The following CSMD1 variants were observed in gnomAD, a reference collection of about 807,000 sequenced individuals.
The protein encoded by CSMD1 is CUB and sushi domain-containing protein 1.
Under a neutral mutation model 417.5 loss-of-function variants are expected in CSMD1, and 213 were observed. The ratio of observed to expected loss-of-function variants is 0.51; its 90% confidence interval spans 0.46 to 0.57. CSMD1 has a LOEUF of 0.57. CSMD1 is among the 20% of genes least tolerant of loss of function. The pLI is 0.00. For missense variants in CSMD1, 6,923 were observed against 4,529.7 expected, an observed-to-expected ratio of 1.53 and a Z score of -15.17; for synonymous variants, 2,862 against 1,736.8, an observed-to-expected ratio of 1.65 and a Z score of -16.11.
chr8:4,961,129 T>C (rs913252730), intron 1 of CSMD1, among the ~76,000 whole-genome samples: 3 of 152,222 alleles, frequency 2.0e-5, no homozygotes, highest in African/African-American at 7.2e-5. Flanking sequence ...TCATTTACTA[T>C]GATTAACTTC....
chr8:4,385,446 T>C (rs1055499830), intron 3 of CSMD1, among the ~76,000 whole-genome samples: 1 of 152,338 alleles, frequency 6.6e-6, no homozygotes, highest in Admixed American at 6.5e-5. Context: ...ACATGTTTCT[T>C]TTCTTAGTTT....
intron 1 of CSMD1, among the ~76,000 whole-genome samples, chr8:4,847,191 A>G (rs1287599258): frequency 6.6e-6 from 1 of 152,216 alleles, no homozygotes; most frequent in East Asian, 1.9e-4. Flanking sequence ...ATGCAAATCT[A>G]AGGTCTCTCA....
At chr8:4,199,856 A>T (rs1352160150) in intron 3 of CSMD1, among the ~76,000 whole-genome samples, 1 of 152,200 alleles carries the variant, frequency 6.6e-6, no homozygotes, top group African/African-American at 2.4e-5. Flanking sequence ...CTTCCTTTAC[A>T]AGGGCTTACC....
intron 67 of CSMD1, 23 bp downstream of exon 67, chr8:2,950,208 A>G (rs1373233835): frequency 1.4e-6 from 2 of 1,431,418 alleles, no homozygotes; most frequent in Non-Finnish European, 2.0e-6. Context: ...GTGCTTTGTC[A>G]CAGACCTTAC....
intron 27 of CSMD1, among the ~76,000 whole-genome samples, chr8:3,227,559 T>C (rs567479621): frequency 3.5e-4 from 54 of 152,234 alleles, no homozygotes; most frequent in African/African-American, 1.3e-3. Flanking sequence ...TATACAATAA[T>C]AAGGGACTAG....
At chr8:4,089,700 C>A (rs767965179) in intron 3 of CSMD1, among the ~76,000 whole-genome samples, 2 of 152,150 alleles carry the variant, frequency 1.3e-5, no homozygotes, top group Non-Finnish European at 2.9e-5. Context: ...GTGCCCAACA[C>A]AGAAAGCTAG....
chr8:4,911,174 A>G (rs1805646016), intron 1 of CSMD1, among the ~76,000 whole-genome samples: 1 of 152,186 alleles, frequency 6.6e-6, no homozygotes, highest in South Asian at 2.1e-4. Context: ...CAGTGTGAAA[A>G]TGGACTAATA....
At chr8:3,502,297 G>A (rs971818450) in intron 10 of CSMD1, among the ~76,000 whole-genome samples, 1 of 150,648 alleles carries the variant, frequency 6.6e-6, no homozygotes, top group Non-Finnish European at 1.5e-5. Context: ...CCCAGGAGGA[G>A]GAGCTTGCAG....
Position 3,307,742 on chromosome 8 carries a change from G to T in CSMD1, c.3903C>A (p.Asn1301Lys). 1.2e-6 allele frequency: 2 copies of T among 1,613,720 alleles called. No individual in the cohort carries two copies. Among genetic ancestry groups the T allele is most frequent in the Admixed American group, 1.7e-5 (1 of 60,008 alleles). The change falls in exon 25 of 70, where the codon AAC (asparagine) becomes AAA (lysine). Residue 1301 changes from asparagine (N) to lysine (K), a missense_variant. By Grantham distance (94) the Asn-to-Lys change is moderately conservative. Coordinates refer to ENST00000635120, the MANE Select transcript of CSMD1 (RefSeq NM_033225.6). ...CCTCTATAATCCAGGTGCAGTGGAG[G>T]TTGTTGTCATACGGAGCTGGATAGC... Reference protein sequence around the residue: ...SPGYPAPYDNNLHCTWIIEAD... With the variant: ...SPGYPAPYDNKLHCTWIIEAD...
chr8:4,103,813 A>T (rs1333116921), intron 3 of CSMD1, among the ~76,000 whole-genome samples: 1 of 152,202 alleles, frequency 6.6e-6, no homozygotes, highest in Non-Finnish European at 1.5e-5. Context: ...GGTAAATTCC[A>T]TGACAGCCTC....
intron 6 of CSMD1, among the ~76,000 whole-genome samples, chr8:3,727,830 G>C (rs12675463): frequency 0.054 from 8,265 of 152,238 alleles, 482 homozygotes; most frequent in African/African-American, 0.15. Flanking sequence ...GTGAGCTTTA[G>C]GGCAGTGCGC....
intron 33 of CSMD1, 93 bp downstream of exon 33, chr8:3,199,621 G>T (rs1044967799): frequency 5.8e-5 from 34 of 585,814 alleles, no homozygotes; most frequent in Non-Finnish European, 2.8e-6. Flanking sequence ...AAATGCAGCT[G>T]AGATGTTTTG....
intron 7 of CSMD1, among the ~76,000 whole-genome samples, chr8:3,689,595 T>C (rs1375707889): frequency 6.6e-6 from 1 of 152,214 alleles, no homozygotes; most frequent in African/African-American, 2.4e-5. Flanking sequence ...AGTTCACTCT[T>C]AGTCCACTGA....
At chr8:4,136,328 C>G (rs1002401629) in intron 3 of CSMD1, among the ~76,000 whole-genome samples, 3 of 152,282 alleles carry the variant, frequency 2.0e-5, no homozygotes, top group East Asian at 1.9e-4. Context: ...CTATCTTGAT[C>G]TGTTAGTGAT....
chr8:3,335,582 C>A lies in CSMD1; in HGVS notation c.3631+7712G>T, dbSNP rs185754970. 2.5e-3 allele frequency among the ~76,000 whole-genome samples: 376 copies of A among 152,284 alleles called. 1 individual carries two copies. The highest frequency in any genetic ancestry group is 7.5e-3 in the Admixed American group (114 of 15,302). On this transcript the variant is annotated intron_variant, in intron 23 of 69. Coordinates refer to ENST00000635120, the MANE Select transcript of CSMD1 (RefSeq NM_033225.6). ...ATCCCAGCTACTAGGGAGGCTGAGTCAGGAGAATCGCTTGAACCTGAGAGG... is the reference window on the plus strand; with the variant it reads ...ATCCCAGCTACTAGGGAGGCTGAGTAAGGAGAATCGCTTGAACCTGAGAGG...
chr8:3,306,838 ATAT>A (rs1397412424), intron 25 of CSMD1, among the ~76,000 whole-genome samples: 1 of 27,964 alleles, frequency 3.6e-5, no homozygotes, highest in Non-Finnish European at 8.2e-5. Flanking sequence ...TACTTTAAAA[ATAT>A]TACAGAGCTT....
intron 8 of CSMD1, among the ~76,000 whole-genome samples, chr8:3,593,368 C>A (rs1563182079): frequency 6.6e-6 from 1 of 152,280 alleles, no homozygotes; most frequent in South Asian, 2.1e-4. Flanking sequence ...TGGGAGGAGC[C>A]CGTGATGGAG....
At chr8:4,727,292 A>G (rs1362830525) in intron 1 of CSMD1, among the ~76,000 whole-genome samples, 2 of 152,228 alleles carry the variant, frequency 1.3e-5, no homozygotes. Context: ...GTCTGTAACA[A>G]TAATTAAGTA....
At chr8:3,998,212 T>C (rs1815374672) in intron 4 of CSMD1, 102 bp from the exon 5 acceptor site, 1 of 1,040,116 alleles carries the variant, frequency 9.6e-7, no homozygotes, top group Non-Finnish European at 1.4e-6. Flanking sequence ...AAATATTTTC[T>C]GAACCCAAAA....
Sources: gnomAD v4.1 joint callset for allele counts (sites outside exome capture counted in the v4.1 genomes callset) on GRCh38, gnomAD v4.1.1 for gene constraint, MANE v1.5 for transcripts, NCBI Gene and HGNC (gene_info 2026-07-23, HGNC 2026-07-21) for gene names.